The following MED13 variants were observed in gnomAD, a reference collection of about 807,000 sequenced individuals.
MED13 encodes the protein mediator of RNA polymerase II transcription subunit 13.
In MED13, 23 loss-of-function variants were observed where a neutral mutation model predicts 225.2. The ratio of observed to expected loss-of-function variants is 0.10; its 90% confidence interval spans 0.07 to 0.14. The LOEUF (loss-of-function observed/expected upper bound fraction) is 0.14, where lower values mean the gene tolerates loss of function less well. Ranked by LOEUF, MED13 falls within the 10% of genes least tolerant of loss-of-function variation. The pLI is 1.00. For missense variants in MED13, 2,197 were observed against 2,594.5 expected, an observed-to-expected ratio of 0.85 and a Z score of 3.33; for synonymous variants, 942 against 889.2, an observed-to-expected ratio of 1.06 and a Z score of -1.06.
intron 8 of MED13, among the ~76,000 whole-genome samples, chr17:62,022,827 T>C (rs541673022): frequency 2.6e-5 from 4 of 152,028 alleles, no homozygotes; most frequent in Non-Finnish European, 4.4e-5. Flanking sequence ...CTGGGCAACA[T>C]AGCATGACCC....
intron 26 of MED13, 98 bp from the exon 27 acceptor site, chr17:61,953,211 G>T: frequency 7.9e-7 from 1 of 1,271,680 alleles, no homozygotes; most frequent in Non-Finnish European, 1.1e-6. Context: ...TAACCAAAAT[G>T]GGTTAATTTA....
At position 61,986,991 on chromosome 17, in the gene MED13, T is replaced by C; in HGVS notation, c.2385+16A>G. The C allele has an allele frequency of 6.6e-7, 1 of 1,504,258 alleles. No individual in the cohort carries two copies. Among genetic ancestry groups the C allele is most frequent in the Non-Finnish European group, 8.9e-7 (1 of 1,122,376 alleles). 93.2% of individuals were successfully genotyped at this position (1,504,258 alleles called of 1,614,324 possible). On this transcript the variant is annotated intron_variant, in intron 12 of 29. Coordinates refer to ENST00000397786, the MANE Select transcript of MED13 (RefSeq NM_005121.3). ...GGAAAACAAATTATAATCCTATTCA[T>C]TAATGAGATACTCACTGTTAGTTCA...
chr17:62,018,583 G>A (rs1303136823), intron 8 of MED13, among the ~76,000 whole-genome samples: 2 of 152,020 alleles, frequency 1.3e-5, no homozygotes, highest in African/African-American at 2.4e-5. Flanking sequence ...GCGTGGTGGC[G>A]CATGCCTGTA....
At position 62,010,762 on chromosome 17, in the gene MED13, A is replaced by C. The variant is rs779982859; in HGVS notation, c.1755T>G (p.Ser585=). Reference sequence around the variant, plus strand: ...CAGCTTCCTGATATTGAGGTGGGAAAGACTGGGACAAACTGTCTATCCTAT... The same window carrying C: ...CAGCTTCCTGATATTGAGGTGGGAACGACTGGGACAAACTGTCTATCCTAT... The part of the protein sequence containing the change: ...MEDRIDSLSQ[S]FPPQYQEAVE... The change falls in exon 9 of 30, where the codon TCT becomes TCG. Residue 585 remains serine (S), a synonymous_variant. Coordinates refer to ENST00000397786, the MANE Select transcript of MED13 (RefSeq NM_005121.3). 176 of 1,613,986 alleles carry C rather than the reference A, an allele frequency of 1.1e-4. No individual in the cohort carries two copies. The highest frequency in any genetic ancestry group is 1.4e-4 in the Non-Finnish European group (171 of 1,179,984).
chr17:61,952,869 T>G, intron 27 of MED13, 96 bp downstream of exon 27: 1 of 1,398,128 alleles, frequency 7.2e-7, no homozygotes, highest in Non-Finnish European at 9.7e-7. Context: ...ACTCCTGACC[T>G]CGTGATCCAC....
rs1442821443 is a variant in MED13, at chr17:62,010,566, C to T, written c.1951G>A (p.Val651Ile). Reference sequence around the variant, plus strand: ...AATACATACTCTGTAACTGATGTTACACTTTCCTGTCCAAAAGGTCCAACT... The same window carrying T: ...AATACATACTCTGTAACTGATGTTATACTTTCCTGTCCAAAAGGTCCAACT... ...DPVGPFGQESVTSVTELMVQC... is the reference protein window; with the variant it reads ...DPVGPFGQESITSVTELMVQC... Residue 651 changes from valine (V) to isoleucine (I), a missense_variant, in exon 9 of 30, where the codon GTA becomes ATA. Val to Ile is a conservative substitution (Grantham distance 29). Transcript: ENST00000397786. 1 of 1,461,848 alleles carries T rather than the reference C, an allele frequency of 6.8e-7. No individual in the cohort carries two copies. Among genetic ancestry groups the T allele is most frequent in the Non-Finnish European group, 9.1e-7 (1 of 1,104,384 alleles). The allele number at this position is 1,461,848 out of a possible 1,614,324, so 90.6% of individuals were successfully genotyped here.
chr17:61,964,409 A>G (rs901947631), intron 20 of MED13, among the ~76,000 whole-genome samples: 2 of 151,946 alleles, frequency 1.3e-5, no homozygotes, highest in Non-Finnish European at 2.9e-5. Flanking sequence ...ACATCTCTAC[A>G]AAAAAGTAGC....
chr17:61,975,944 A>AG (rs2080152055), intron 16 of MED13, among the ~76,000 whole-genome samples: 1 of 152,104 alleles, frequency 6.6e-6, no homozygotes, highest in African/African-American at 2.4e-5. Context: ...TGAACCTGGG[A>AG]GGTGGAGGTT....
At position 62,011,975 on chromosome 17, in the gene MED13, G is replaced by A. The variant is rs190233533; in HGVS notation, c.1284-742C>T. On this transcript the variant is annotated intron_variant, in intron 8 of 29. Transcript: ENST00000397786. The stretch of plus-strand genomic sequence containing the variant: ...CTGACACCTGCAATCCCAGCACTTT[G>A]GGAGGATGAGGTGGGCGGATCACCT... Among the ~76,000 whole-genome samples the A allele has an allele frequency of 2.8e-3, 423 of 152,266 alleles. 3 individuals are homozygous for A. The highest frequency in any genetic ancestry group is 9.1e-3 in the African/African-American group (379 of 41,566).
chr17:62,035,945 T>C (rs984472284), intron 3 of MED13, among the ~76,000 whole-genome samples: 1 of 151,190 alleles, frequency 6.6e-6, no homozygotes, highest in African/African-American at 2.4e-5. Flanking sequence ...TAGGGTCAAT[T>C]TTTTTTTTCT....
chr17:61,964,722 G>C (rs959304346), intron 20 of MED13, among the ~76,000 whole-genome samples: 1 of 152,144 alleles, frequency 6.6e-6, no homozygotes, highest in Non-Finnish European at 1.5e-5. Flanking sequence ...GATCACCTGA[G>C]GTCAGAAGTT....
chr17:61,997,075 T>C (rs867441729), intron 9 of MED13, among the ~76,000 whole-genome samples: 2 of 152,200 alleles, frequency 1.3e-5, no homozygotes, highest in South Asian at 2.1e-4. Flanking sequence ...TTGTAAGATA[T>C]GTAAGGTCTG....
intron 6 of MED13, 64 bp from the exon 7 acceptor site, chr17:62,030,077 G>C: frequency 1.5e-6 from 2 of 1,329,430 alleles, no homozygotes; most frequent in Non-Finnish European, 2.0e-6. Flanking sequence ...AACATTATTT[G>C]GGTTTTTTAT....
chr17:61,955,969 C>T lies in MED13; in HGVS notation c.5624-131G>A, dbSNP rs2143312629. The stretch of plus-strand genomic sequence containing the variant: ...TAATGGCTTTTAAATTAGTGTATTC[C>T]TCCAACACGAGTCATCATCAAGCCA... On this transcript the variant is annotated intron_variant, in intron 24 of 29. Coordinates refer to ENST00000397786, the MANE Select transcript of MED13 (RefSeq NM_005121.3). 3.0e-6 allele frequency: 4 copies of T among 1,323,048 alleles called. No homozygotes were observed. The East Asian group carries it at 8.3e-5, about 27-fold the overall frequency. The allele number at this position is 1,323,048 out of a possible 1,614,324, so 82.0% of individuals were successfully genotyped here.
At chr17:62,024,093 C>A (rs926459636) in intron 8 of MED13, among the ~76,000 whole-genome samples, 2 of 152,060 alleles carry the variant, frequency 1.3e-5, no homozygotes, top group Admixed American at 6.5e-5. Context: ...TCTTGGCTCA[C>A]TGCAACCTCT....
At chr17:61,996,964 T>C (rs1189582238) in intron 9 of MED13, among the ~76,000 whole-genome samples, 2 of 152,188 alleles carry the variant, frequency 1.3e-5, no homozygotes, top group Non-Finnish European at 2.9e-5. Flanking sequence ...TTTGCATTAG[T>C]ACTACTAAAA....
chr17:62,017,376 T>C (rs966355304), intron 8 of MED13, among the ~76,000 whole-genome samples: 2 of 151,632 alleles, frequency 1.3e-5, no homozygotes, highest in African/African-American at 4.8e-5. Flanking sequence ...AGAACAAAAA[T>C]AGAACACCAA....
intron 3 of MED13, among the ~76,000 whole-genome samples, chr17:62,039,542 C>A (rs973763210): frequency 1.1e-4 from 17 of 151,590 alleles, no homozygotes; most frequent in African/African-American, 4.1e-4. Flanking sequence ...CTCGGCCTCC[C>A]AAAGTGCTAT....
At chr17:62,043,575 G>A (rs1301323600) in intron 3 of MED13, among the ~76,000 whole-genome samples, 3 of 152,052 alleles carry the variant, frequency 2.0e-5, no homozygotes. Flanking sequence ...ACCAGAGAAG[G>A]TACCTTTCAC....
Sources: allele counts gnomAD v4.1 joint callset (sites outside exome capture counted in the v4.1 genomes callset), GRCh38; gene constraint gnomAD v4.1.1; transcripts MANE v1.5; gene names NCBI Gene and HGNC (gene_info 2026-07-23, HGNC 2026-07-21).